The following KIT variants were observed in gnomAD, a reference collection of about 807,000 sequenced individuals.
The protein encoded by KIT is mast/stem cell growth factor receptor Kit.
KIT carries 16 observed loss-of-function variants against 105.7 expected under a neutral mutation model. The observed-to-expected ratio is 0.15, with a 90% CI of 0.10 to 0.23. The LOEUF (loss-of-function observed/expected upper bound fraction) is 0.23, where lower values mean the gene tolerates loss of function less well. KIT is among the 10% of genes least tolerant of loss of function. KIT has a pLI of 1.00. For synonymous variants in KIT, 438 were observed against 441.1 expected, an observed-to-expected ratio of 0.99 and a Z score of 0.09; for missense variants, 858 against 1,213.8, an observed-to-expected ratio of 0.71 and a Z score of 4.36.
At chr4:54,685,250 G>A (rs2109621710) in intron 1 of KIT, among the ~76,000 whole-genome samples, 1 of 152,268 alleles carries the variant, frequency 6.6e-6, no homozygotes, top group East Asian at 1.9e-4. Flanking sequence ...AGACTCCAGA[G>A]TATATCTGTG....
intron 5 of KIT, among the ~76,000 whole-genome samples, chr4:54,704,681 AT>A: frequency 6.6e-6 from 1 of 152,234 alleles, no homozygotes; most frequent in South Asian, 2.1e-4. Flanking sequence ...TTTGTTTACA[AT>A]TTTTTTGTCT....
intron 1 of KIT, among the ~76,000 whole-genome samples, chr4:54,659,091 A>G (rs1717044465): frequency 6.6e-6 from 1 of 151,654 alleles, no homozygotes. Context: ...TTTTCTTCGG[A>G]AATTTTTGAG....
chr4:54,733,999 C>T (rs987353140), intron 17 of KIT, among the ~76,000 whole-genome samples: 3 of 152,012 alleles, frequency 2.0e-5, no homozygotes, highest in Non-Finnish European at 4.4e-5. Context: ...TAATGTTTTC[C>T]CCCCATCACT....
At chr4:54,722,831 A>ATATATATTTATATATATT (rs1365407107) in intron 7 of KIT, among the ~76,000 whole-genome samples, 2 of 132,370 alleles carry the variant, frequency 1.5e-5, no homozygotes, top group Non-Finnish European at 3.1e-5. Context: ...ATATATATGT[A>ATATATATTTATATATATT]TTTATATATA....
At chr4:54,716,783 G>A (rs1368589057) in intron 7 of KIT, among the ~76,000 whole-genome samples, 1 of 152,184 alleles carries the variant, frequency 6.6e-6, no homozygotes, top group African/African-American at 2.4e-5. Flanking sequence ...TGTCTAATGA[G>A]TGACCTTGCT....
At chr4:54,673,595 C>A (rs899710153) in intron 1 of KIT, among the ~76,000 whole-genome samples, 3 of 152,126 alleles carry the variant, frequency 2.0e-5, no homozygotes, top group African/African-American at 7.2e-5. Context: ...TCTCTTGGCT[C>A]CTTCTGAAAT....
In KIT at chr4:54,725,803, T is replaced by C. The variant is rs1246726639; in HGVS notation, c.1347-54T>C. On this transcript the variant is annotated intron_variant, in intron 8 of 20. Coordinates refer to ENST00000288135, the MANE Select transcript of KIT (RefSeq NM_000222.3). ...AGTATGCCACATCCCAAGTGTTTTA[T>C]GTATTTATTTATTTTCCTAGAGTAA... 4.8e-6 allele frequency: 7 copies of C among 1,471,208 alleles called. No individual in the cohort carries two copies. The African/African-American group carries it at 8.3e-5, about 18-fold the overall frequency. 91.1% of individuals were successfully genotyped at this position (1,471,208 alleles called of 1,614,324 possible).
intron 1 of KIT, among the ~76,000 whole-genome samples, chr4:54,688,629 C>T (rs1451239448): frequency 6.6e-6 from 1 of 152,170 alleles, no homozygotes; most frequent in East Asian, 1.9e-4. Context: ...CTGAAGTTGC[C>T]GGGGAGAACC....
intron 1 of KIT, among the ~76,000 whole-genome samples, chr4:54,694,144 CAT>C (rs1719895212): frequency 1.3e-5 from 2 of 152,270 alleles, no homozygotes; most frequent in South Asian, 4.1e-4. Context: ...TTTCACCTGT[CAT>C]GTGCTCCGCA....
intron 1 of KIT, among the ~76,000 whole-genome samples, chr4:54,675,005 AT>A (rs138630635): frequency 1.3e-5 from 2 of 152,064 alleles, no homozygotes; most frequent in African/African-American, 2.4e-5. Context: ...TTTTCCTCTG[AT>A]TTTTTCCCCC....
chr4:54,731,459 A>G (rs1027664270), intron 15 of KIT, 40 bp downstream of exon 15: 5 of 1,281,766 alleles, frequency 3.9e-6, no homozygotes, highest in East Asian at 4.6e-5. Flanking sequence ...GTAACTTTAC[A>G]GAGAGTATGT....
At chr4:54,697,111 G>A (rs148569596) in intron 2 of KIT, among the ~76,000 whole-genome samples, 1 of 152,298 alleles carries the variant, frequency 6.6e-6, no homozygotes, top group East Asian at 1.9e-4. Context: ...ATGAAGGAAG[G>A]TGGGGCATCA....
intron 1 of KIT, among the ~76,000 whole-genome samples, chr4:54,665,919 C>T (rs1408615009): frequency 6.6e-6 from 1 of 152,070 alleles, no homozygotes; most frequent in African/African-American, 2.4e-5. Flanking sequence ...TAACTGTGAA[C>T]CAGTCTTATG....
At chr4:54,695,431 A>G in intron 1 of KIT, 81 bp from the exon 2 acceptor site, 1 of 1,435,900 alleles carries the variant, frequency 7.0e-7, no homozygotes, top group South Asian at 1.2e-5. Context: ...TACACAGAAG[A>G]TGGAACTCAG....
intron 1 of KIT, among the ~76,000 whole-genome samples, chr4:54,659,792 G>A (rs941091138): frequency 5.3e-5 from 8 of 152,142 alleles, no homozygotes; most frequent in African/African-American, 1.9e-4. Context: ...AGACCACATC[G>A]AATATCTCCC....
rs773953640 is a variant in KIT at position 54,731,371 on chromosome 4, T to G, written c.2185T>G (p.Ser729Ala). Reference sequence around the variant, plus strand: ...GTACATGGACATGAAACCTGGAGTTTCTTATGTTGTCCCAACCAAGGCCGA... The same window carrying G: ...GTACATGGACATGAAACCTGGAGTTGCTTATGTTGTCCCAACCAAGGCCGA... ...NEYMDMKPGVSYVVPTKADKR... is the reference protein window; with the variant it reads ...NEYMDMKPGVAYVVPTKADKR... The change falls in exon 15 of 21, where the codon TCT (serine) becomes GCT (alanine). Residue 729 changes from serine to alanine, a missense_variant. Physicochemically the swap from Ser to Ala is moderately conservative, Grantham distance 99 (BLOSUM62 1). Transcript: ENST00000288135. The G allele has an allele frequency of 1.2e-6, 2 of 1,613,580 alleles. No homozygotes were observed. Among genetic ancestry groups the G allele is most frequent in the Admixed American group, 3.3e-5 (2 of 59,992 alleles).
chr4:54,661,791 C>T lies in KIT; in HGVS notation c.67+3710C>T, dbSNP rs908048699. 2.6e-5 allele frequency among the ~76,000 whole-genome samples: 4 copies of T among 152,156 alleles called. No homozygotes were observed. In the East Asian group the frequency reaches 5.8e-4, roughly 22 times the overall value. ...AGGAGGTAAAAGTTTGCCTGGAGGGCAAATCCAGTGTAAATCTTTGTTGTA... is the reference window on the plus strand; with the variant it reads ...AGGAGGTAAAAGTTTGCCTGGAGGGTAAATCCAGTGTAAATCTTTGTTGTA... On this transcript the variant is annotated intron_variant, in intron 1 of 20. Coordinates refer to ENST00000288135, the MANE Select transcript of KIT (RefSeq NM_000222.3).
intron 2 of KIT, among the ~76,000 whole-genome samples, chr4:54,697,108 A>C (rs1720124090): frequency 6.6e-6 from 1 of 152,204 alleles, no homozygotes; most frequent in African/African-American, 2.4e-5. Flanking sequence ...GCAATGAAGG[A>C]AGGTGGGGCA....
chr4:54,705,089 T>C (rs894744832), intron 5 of KIT, among the ~76,000 whole-genome samples: 2 of 152,246 alleles, frequency 1.3e-5, no homozygotes, highest in African/African-American at 4.8e-5. Context: ...TTTTAAAATA[T>C]TAAACTCCAT....
Sources: gnomAD v4.1 joint callset for allele counts (sites outside exome capture counted in the v4.1 genomes callset) on GRCh38, gnomAD v4.1.1 for gene constraint, MANE v1.5 for transcripts, NCBI Gene and HGNC (gene_info 2026-07-23, HGNC 2026-07-21) for gene names.